Variants in TLN2 observed in about 807,000 individuals in gnomAD.
TLN2 encodes talin-2.
In TLN2, 118 loss-of-function variants were observed where a neutral mutation model predicts 294.7. The observed-to-expected ratio is 0.40, with a 90% confidence interval of 0.34 to 0.47. TLN2 has a LOEUF of 0.47. Ranked by LOEUF, TLN2 falls within the 20% of genes least tolerant of loss-of-function variation. The pLI is 0.84. For missense variants in TLN2, 3,083 were observed against 3,282.2 expected, an observed-to-expected ratio of 0.94 and a Z score of 1.48; for synonymous variants, 1,431 against 1,304.5, an observed-to-expected ratio of 1.10 and a Z score of -2.09.
chr15:62,811,041 G>C (rs905370373), intron 52 of TLN2, among the ~76,000 whole-genome samples: 2 of 152,228 alleles, frequency 1.3e-5, no homozygotes, highest in African/African-American at 2.4e-5. Context: ...CTTGGTTGAA[G>C]TCACCCATCT....
At chr15:62,655,571 A>T (rs2053111263) in intron 7 of TLN2, among the ~76,000 whole-genome samples, 1 of 147,980 alleles carries the variant, frequency 6.8e-6, no homozygotes, top group African/African-American at 2.5e-5. Context: ...GCAGCATATT[A>T]TACATTCATT....
intron 1 of TLN2, among the ~76,000 whole-genome samples, chr15:62,403,172 A>G (rs1234966085): frequency 1.3e-5 from 2 of 151,196 alleles, no homozygotes. Flanking sequence ...CAGGAGGCAG[A>G]GGTTGCAGTG....
intron 19 of TLN2, among the ~76,000 whole-genome samples, chr15:62,703,322 C>T (rs979010040): frequency 2.0e-5 from 3 of 151,904 alleles, no homozygotes; most frequent in East Asian, 1.9e-4. Flanking sequence ...AGGCTGGTCT[C>T]GAACTTTGAC....
chr15:62,740,364 A>C, intron 31 of TLN2: 1 of 373,612 alleles, frequency 2.7e-6, no homozygotes, highest in Non-Finnish European at 4.9e-6. Flanking sequence ...TAATGCCTCT[A>C]GTTGTGAGAA....
intron 1 of TLN2, among the ~76,000 whole-genome samples, chr15:62,564,539 T>G (rs1465487809): frequency 6.6e-6 from 1 of 152,156 alleles, no homozygotes; most frequent in Non-Finnish European, 1.5e-5. Context: ...TTGTATACCT[T>G]ATACATTTTC....
chr15:62,455,378 C>T (rs1434322628), intron 1 of TLN2, among the ~76,000 whole-genome samples: 2 of 152,110 alleles, frequency 1.3e-5, no homozygotes, highest in African/African-American at 2.4e-5. Flanking sequence ...AGAGGGTGTT[C>T]GGGATGGGAG....
At chr15:62,464,948 T>G (rs959377376) in intron 1 of TLN2, among the ~76,000 whole-genome samples, 2 of 152,140 alleles carry the variant, frequency 1.3e-5, no homozygotes, top group African/African-American at 4.8e-5. Context: ...TGCCCCGGGA[T>G]GTTAACCCTC....
chr15:62,482,250 C>A (rs980776199), intron 1 of TLN2, among the ~76,000 whole-genome samples: 1 of 152,146 alleles, frequency 6.6e-6, no homozygotes, highest in Non-Finnish European at 1.5e-5. Context: ...CCCTTATGGA[C>A]AATTCTATAG....
intron 1 of TLN2, among the ~76,000 whole-genome samples, chr15:62,438,389 C>T (rs1159871647): frequency 2.0e-5 from 3 of 152,172 alleles, no homozygotes; most frequent in Non-Finnish European, 4.4e-5. Flanking sequence ...CTGAAAGGTC[C>T]TTTCCTATCC....
At chr15:62,414,164 C>CAATATATATATATATA (rs1273620699) in intron 1 of TLN2, among the ~76,000 whole-genome samples, 1,647 of 90,532 alleles carry the variant, frequency 0.018, 145 homozygotes, top group Middle Eastern at 0.025. Flanking sequence ...AAAAAAAAAA[C>CAATATATATATATATA]TATATATATA....
At chr15:62,508,406 G>A (rs908064956) in intron 1 of TLN2, among the ~76,000 whole-genome samples, 1 of 151,926 alleles carries the variant, frequency 6.6e-6, no homozygotes, top group African/African-American at 2.4e-5. Context: ...TAGTAGAGAC[G>A]GGGTTTCACC....
chr15:62,647,185 G>C, intron 3 of TLN2, 90 bp from the exon 4 acceptor site: 2 of 1,222,254 alleles, frequency 1.6e-6, no homozygotes, highest in Non-Finnish European at 2.3e-6. Context: ...GTTTAAAGTT[G>C]ATTTTAAAGT....
chr15:62,808,095 A>C (rs1471069113), intron 51 of TLN2, among the ~76,000 whole-genome samples: 1 of 152,154 alleles, frequency 6.6e-6, no homozygotes, highest in African/African-American at 2.4e-5. Flanking sequence ...CTCAGCCCAC[A>C]CACGGAGGGG....
intron 3 of TLN2, among the ~76,000 whole-genome samples, chr15:62,631,437 CCTTT>C (rs1457401736): frequency 3.3e-5 from 5 of 151,188 alleles, no homozygotes; most frequent in Non-Finnish European, 7.4e-5. Context: ...TTCCTTTCTT[CCTTT>C]CTTCCTTCCT....
intron 54 of TLN2, among the ~76,000 whole-genome samples, chr15:62,824,701 T>G (rs2067880424): frequency 6.6e-6 from 1 of 150,508 alleles, no homozygotes; most frequent in Non-Finnish European, 1.5e-5. Flanking sequence ...GAAAGTAATA[T>G]CATAGCCTAA....
intron 52 of TLN2, among the ~76,000 whole-genome samples, chr15:62,810,792 A>G (rs539100498): frequency 5.6e-4 from 86 of 152,306 alleles, no homozygotes; most frequent in Middle Eastern, 3.4e-3. Context: ...GCAGGCCTCC[A>G]TAGTCAGGGA....
chr15:62,760,295 A>G (rs967203586), intron 37 of TLN2, among the ~76,000 whole-genome samples: 1 of 152,208 alleles, frequency 6.6e-6, no homozygotes, highest in Non-Finnish European at 1.5e-5. Flanking sequence ...TTATTGTCCC[A>G]AGCTGCCAAG....
rs1225954996 is a variant in TLN2 at position 62,702,028 on chromosome 15, G to A, written c.1733G>A (p.Cys578Tyr). The change falls in exon 18 of 59, where the codon TGT becomes TAT. Residue 578 changes from cysteine (C) to tyrosine (Y), a missense_variant. Cys to Tyr is a radical substitution (Grantham distance 194, BLOSUM62 -2). Transcript: ENST00000636159. ...PADTDYTAVG[C>Y]AITTISSNLT... ...GACACTGACTACACAGCTGTGGGAT[G>A]TGCGATCACCACTATTTCTTCCAAC... is the stretch of plus-strand genomic sequence containing the variant. The A allele has an allele frequency of 6.2e-7, 1 of 1,614,256 alleles. No homozygotes were observed. The highest frequency in any genetic ancestry group is 8.5e-7 in the Non-Finnish European group (1 of 1,180,050).
intron 45 of TLN2, among the ~76,000 whole-genome samples, chr15:62,785,343 T>C (rs1315458893): frequency 5.3e-5 from 8 of 152,200 alleles, no homozygotes; most frequent in Non-Finnish European, 4.4e-5. Context: ...AGGGAACTTC[T>C]GTTACAGTAA....
Sources: gnomAD v4.1 joint callset for allele counts (sites outside exome capture counted in the v4.1 genomes callset) on GRCh38, gnomAD v4.1.1 for gene constraint, MANE v1.5 for transcripts, NCBI Gene and HGNC (gene_info 2026-07-23, HGNC 2026-07-21) for gene names.